NDNF: variants seen among roughly 807,000 people sequenced by gnomAD.
NDNF encodes neuron derived neurotrophic factor, also known as protein NDNF.
NDNF carries 16 observed loss-of-function variants against 42.0 expected under a neutral mutation model. That is an observed-to-expected ratio of 0.38 (90% CI 0.26 to 0.58). NDNF has a LOEUF of 0.58. Among genes scored for constraint, NDNF ranks in the 20% least tolerant of loss-of-function variants. The pLI is 0.67. For synonymous variants in NDNF, 248 were observed against 251.7 expected, an observed-to-expected ratio of 0.99 and a Z score of 0.14; for missense variants, 616 against 666.2, an observed-to-expected ratio of 0.92 and a Z score of 0.83.
At chr4:121,041,870 A>G (rs536548658) in intron 2 of NDNF, among the ~76,000 whole-genome samples, 1 of 152,310 alleles carries the variant, frequency 6.6e-6, no homozygotes, top group African/African-American at 2.4e-5. Flanking sequence ...GGGTTCAGAA[A>G]CTAGAGAAGT....
intron 1 of NDNF, among the ~76,000 whole-genome samples, chr4:121,067,129 C>A (rs1487442494): frequency 6.6e-6 from 1 of 152,170 alleles, no homozygotes; most frequent in Non-Finnish European, 1.5e-5. Flanking sequence ...TTCCCAATCA[C>A]GCGTAATCAT....
chr4:121,037,055 G>A lies in NDNF; in HGVS notation c.916C>T (p.Pro306Ser), dbSNP rs751338399. ...ACATCAAAGTAGTACTGCGTGTCGG[G>A]TTTCAGATCAGAGACGGTGAAGATG... is the stretch of plus-strand genomic sequence containing the variant. ...KNIFTVSDLK[P>S]DTQYYFDVFV... Residue 306 changes from proline (P) to serine (S), a missense_variant, in exon 4 of 4, where the codon CCC becomes TCC. Transcript: ENST00000379692. 3.1e-6 allele frequency: 5 copies of A among 1,613,948 alleles called. No homozygotes were observed. The highest frequency in any genetic ancestry group is 4.2e-6 in the Non-Finnish European group (5 of 1,180,012).
chr4:121,037,655 C>T lies in NDNF; in HGVS notation c.316G>A (p.Asp106Asn), dbSNP rs779590312. 6.4e-7 allele frequency: 1 copy of T among 1,569,704 alleles called. No individual in the cohort carries two copies. Among genetic ancestry groups the T allele is most frequent in the Non-Finnish European group, 8.6e-7 (1 of 1,164,046 alleles). Residue 106 changes from aspartate to asparagine, a missense_variant and splice_region_variant, in exon 4 of 4, where the codon GAT becomes AAT. Coordinates refer to ENST00000379692, the MANE Select transcript of NDNF (RefSeq NM_024574.4). ...TTCTGCTGCTCAAGAGGTTCCAGAT[C>T]ACCTAGAAAATACAGGAGAAGCACA... The part of the protein sequence containing the change: ...PEDRSGEGSG[D>N]LEPLEQQKQQ...
At chr4:121,043,195 G>A (rs80342558) in intron 2 of NDNF, among the ~76,000 whole-genome samples, 7,392 of 152,156 alleles carry the variant, frequency 0.049, 206 homozygotes, top group East Asian at 0.082. Flanking sequence ...AGGAAACATG[G>A]CCCAAATTAT....
chr4:121,050,838 T>C (rs1727181058), intron 1 of NDNF, among the ~76,000 whole-genome samples: 1 of 152,184 alleles, frequency 6.6e-6, no homozygotes, highest in Non-Finnish European at 1.5e-5. Context: ...CAACTCAATC[T>C]TTAGAAAATA....
At chr4:121,056,690 T>G (rs1270565092) in intron 1 of NDNF, among the ~76,000 whole-genome samples, 1 of 152,226 alleles carries the variant, frequency 6.6e-6, no homozygotes, top group Non-Finnish European at 1.5e-5. Flanking sequence ...TCTTCAACAT[T>G]CAAAAGGTGT....
At chr4:121,070,581 A>T (rs1727574428) in intron 1 of NDNF, among the ~76,000 whole-genome samples, 1 of 152,026 alleles carries the variant, frequency 6.6e-6, no homozygotes, top group Non-Finnish European at 1.5e-5. Flanking sequence ...GGAGGGGTGG[A>T]GGGGGGAAAG....
At chr4:121,045,355 GAA>G (rs200400980) in intron 2 of NDNF, among the ~76,000 whole-genome samples, 4 of 137,190 alleles carry the variant, frequency 2.9e-5, no homozygotes, top group Admixed American at 7.2e-5. Flanking sequence ...CCGTCTCAGG[GAA>G]AAAAAAAAAA....
intron 1 of NDNF, among the ~76,000 whole-genome samples, chr4:121,065,616 G>A (rs1018404983): frequency 4.6e-5 from 7 of 151,772 alleles, no homozygotes; most frequent in Non-Finnish European, 7.4e-5. Context: ...AAAAGGGGGT[G>A]TCCTCTTTGC....
chr4:121,056,668 C>A (rs1209661722), intron 1 of NDNF, among the ~76,000 whole-genome samples: 1 of 152,206 alleles, frequency 6.6e-6, no homozygotes, highest in African/African-American at 2.4e-5. Flanking sequence ...TATGTACTAT[C>A]TTCTTAAAGG....
chr4:121,039,190 GTGTATA>G lies in NDNF; in HGVS notation c.313+734_313+739del, dbSNP rs1332186026. The stretch of plus-strand genomic sequence containing the variant: ...ATATATAAAGACTATGTGTGTGTGT[GTGTATA>G]TATATATATATATATATATATATAT... On this transcript the variant is annotated intron_variant, in intron 3 of 3. Coordinates refer to ENST00000379692, the MANE Select transcript of NDNF (RefSeq NM_024574.4). 4.9e-3 allele frequency among the ~76,000 whole-genome samples: 331 copies of G among 67,918 alleles called. 2 individuals are homozygous for G. Among genetic ancestry groups the G allele is most frequent in the Middle Eastern group, 8.5e-3 (1 of 118 alleles). The allele number at this position is 67,918 out of a possible 152,430, so 44.6% of individuals were successfully genotyped here.
At chr4:121,065,427 A>C (rs1404587790) in intron 1 of NDNF, among the ~76,000 whole-genome samples, 2 of 151,986 alleles carry the variant, frequency 1.3e-5, no homozygotes, top group Non-Finnish European at 2.9e-5. Context: ...TTTAGAGGCA[A>C]TGGGCAACCT....
chr4:121,039,453 C>G (rs988375325), intron 3 of NDNF, among the ~76,000 whole-genome samples: 1 of 151,754 alleles, frequency 6.6e-6, no homozygotes, highest in Admixed American at 6.6e-5. Flanking sequence ...CTACTAAATG[C>G]CTCTCTGCTT....
In NDNF at chr4:121,067,220, C is replaced by G. The variant is rs185598041; in HGVS notation, c.-2+4773G>C. 8.0e-4 allele frequency among the ~76,000 whole-genome samples: 121 copies of G among 152,002 alleles called. 1 individual carries two copies. Among genetic ancestry groups the G allele is most frequent in the African/African-American group, 2.7e-3 (111 of 41,434 alleles). ...GTTTTTCTTTTAACTATAAAAAAGA[C>G]GGCAAATTATTTTAAAAGAAGAATT... On this transcript the variant is annotated intron_variant, in intron 1 of 3. Coordinates refer to ENST00000379692, the MANE Select transcript of NDNF (RefSeq NM_024574.4).
chr4:121,060,466 C>A (rs1188194200), intron 1 of NDNF, among the ~76,000 whole-genome samples: 1 of 151,940 alleles, frequency 6.6e-6, no homozygotes, highest in East Asian at 1.9e-4. Context: ...CAGGTGTGAG[C>A]CACCGTGCCC....
chr4:121,053,101 T>C (rs1401290680), intron 1 of NDNF, among the ~76,000 whole-genome samples: 3 of 152,206 alleles, frequency 2.0e-5, no homozygotes, highest in African/African-American at 7.2e-5. Context: ...CAGTACACAG[T>C]GACATGATTA....
chr4:121,038,845 G>C (rs1321810335), intron 3 of NDNF: 1 of 151,524 alleles, frequency 6.6e-6, no homozygotes, highest in Admixed American at 6.6e-5. Flanking sequence ...AAATTAGCTG[G>C]GCGTAGTGGC....
At chr4:121,071,038 G>A (rs1234580983) in intron 1 of NDNF, among the ~76,000 whole-genome samples, 1 of 152,194 alleles carries the variant, frequency 6.6e-6, no homozygotes, top group Non-Finnish European at 1.5e-5. Flanking sequence ...ACAATGCAAC[G>A]AAACCGCACT....
rs1345276152 is a variant in NDNF at position 121,056,677 on chromosome 4, G to A, written c.-1-10839C>T. On this transcript the variant is annotated intron_variant, in intron 1 of 3. Transcript: ENST00000379692. ...AGGCCATATGTACTATCTTCTTAAA[G>A]GATCTTCAACATTCAAAAGGTGTTT... 2.0e-5 allele frequency among the ~76,000 whole-genome samples: 3 copies of A among 152,112 alleles called. No individual in the cohort carries two copies. The East Asian group carries it at 5.8e-4, about 29-fold the overall frequency.
Sources: gnomAD v4.1 joint callset for allele counts (sites outside exome capture counted in the v4.1 genomes callset) on GRCh38, gnomAD v4.1.1 for gene constraint, MANE v1.5 for transcripts, NCBI Gene and HGNC (gene_info 2026-07-23, HGNC 2026-07-21) for gene names.